MAP3K20: variants seen among roughly 807,000 people sequenced by gnomAD.
The protein encoded by MAP3K20 is HCCS-4.
In MAP3K20, 40 loss-of-function variants were observed where a neutral mutation model predicts 85.7. That is an observed-to-expected ratio of 0.47 (90% CI 0.36 to 0.61). The LOEUF (loss-of-function observed/expected upper bound fraction) is 0.61. MAP3K20 is among the 20% of genes least tolerant of loss of function. The pLI is 0.00. For missense variants in MAP3K20, 817 were observed against 961.7 expected, an observed-to-expected ratio of 0.85 and a Z score of 1.99; for synonymous variants, 325 against 327.7, an observed-to-expected ratio of 0.99 and a Z score of 0.09.
chr2:173,222,537 G>A (rs1684280752), intron 11 of MAP3K20: 2 of 985,634 alleles, frequency 2.0e-6, no homozygotes, highest in Non-Finnish European at 1.2e-6. Flanking sequence ...GCTTCCAGGG[G>A]GGTGAGTTCA....
intron 2 of MAP3K20, among the ~76,000 whole-genome samples, chr2:173,135,229 C>A (rs1228508009): frequency 2.0e-5 from 3 of 152,110 alleles, no homozygotes; most frequent in Non-Finnish European, 4.4e-5. Context: ...GCATTTAATT[C>A]TTGTAGAGTT....
At chr2:173,136,168 G>GAA (rs955466873) in intron 2 of MAP3K20, among the ~76,000 whole-genome samples, 2 of 152,224 alleles carry the variant, frequency 1.3e-5, no homozygotes, top group African/African-American at 4.8e-5. Flanking sequence ...CACTTTTAGG[G>GAA]AAAAAGGATA....
At chr2:173,143,885 G>T (rs529427230) in intron 2 of MAP3K20, among the ~76,000 whole-genome samples, 1 of 151,562 alleles carries the variant, frequency 6.6e-6, no homozygotes, top group Non-Finnish European at 1.5e-5. Flanking sequence ...TAAAGACAAT[G>T]TAAAAAAAAA....
intron 11 of MAP3K20, chr2:173,225,564 A>G (rs764283966): frequency 8.3e-6 from 8 of 969,156 alleles, no homozygotes; most frequent in Non-Finnish European, 9.7e-6. Context: ...ACTACACTCC[A>G]GCCTGGATGA....
intron 2 of MAP3K20, among the ~76,000 whole-genome samples, chr2:173,107,261 G>A (rs1687808460): frequency 6.6e-6 from 1 of 152,220 alleles, no homozygotes; most frequent in African/African-American, 2.4e-5. Context: ...CCAAGAGACA[G>A]AACAGCAGCT....
At chr2:173,182,800 T>C in intron 3 of MAP3K20, 54 bp from the exon 4 acceptor site, 1 of 1,246,578 alleles carries the variant, frequency 8.0e-7, no homozygotes, top group Non-Finnish European at 1.1e-6. Flanking sequence ...TAAAGTCTTA[T>C]TTCTGAAATG....
intron 2 of MAP3K20, among the ~76,000 whole-genome samples, chr2:173,168,134 TTTA>T (rs1440372713): frequency 6.6e-6 from 1 of 151,310 alleles, no homozygotes; most frequent in Non-Finnish European, 1.5e-5. Flanking sequence ...TTTATTATTA[TTTA>T]TTATTATAGT....
chr2:173,101,754 C>G (rs1687644963), intron 2 of MAP3K20, among the ~76,000 whole-genome samples: 1 of 152,152 alleles, frequency 6.6e-6, no homozygotes, highest in African/African-American at 2.4e-5. Context: ...ATAGAATTAT[C>G]TCACTTGAAT....
At chr2:173,082,785 C>A (rs2034647) in intron 1 of MAP3K20, among the ~76,000 whole-genome samples, 56,381 of 152,146 alleles carry the variant, frequency 0.37, 10,981 homozygotes, top group African/African-American at 0.46. Context: ...CACAACAAGC[C>A]CACGCAGCGG....
At chr2:173,215,992 G>A (rs1050173690) in intron 10 of MAP3K20, among the ~76,000 whole-genome samples, 5 of 152,142 alleles carry the variant, frequency 3.3e-5, no homozygotes, top group African/African-American at 1.2e-4. Context: ...GCACCCAGCA[G>A]CTATTCTGCA....
At chr2:173,224,505 A>G (rs1327341964) in intron 11 of MAP3K20, 3 of 985,216 alleles carry the variant, frequency 3.0e-6, no homozygotes, top group African/African-American at 3.5e-5. Context: ...ATTAGGTAAT[A>G]TTTTCCTCAT....
chr2:173,140,158 C>T (rs925617803), intron 2 of MAP3K20, among the ~76,000 whole-genome samples: 13 of 151,992 alleles, frequency 8.6e-5, no homozygotes, highest in East Asian at 3.9e-4. Flanking sequence ...ATTACAGGCG[C>T]GTGCCACCAT....
At position 173,091,147 on chromosome 2, in the gene MAP3K20, A is replaced by G. The variant is rs770327306; in HGVS notation, c.116A>G (p.Asp39Gly). 3 of 1,613,996 alleles carry G rather than the reference A, an allele frequency of 1.9e-6. No homozygotes were observed. Among genetic ancestry groups the G allele is most frequent in the Non-Finnish European group, 2.5e-6 (3 of 1,179,958 alleles). The change falls in exon 2 of 20, where the codon GAC becomes GGC. Residue 39 changes from aspartate to glycine, a missense_variant. Asp to Gly is a moderately conservative substitution (Grantham distance 94). This residue lies in a region of MAP3K20 where 200 missense variants were observed against 302.7 expected (regional missense o/e 0.66). Transcript: ENST00000375213. ...SVYRAKWISQ[D>G]KEVAVKKLLK... ...TATCGAGCCAAATGGATATCACAGG[A>G]CAAGGAGGTGGCTGTAAAGAAGCTC... is the stretch of plus-strand genomic sequence containing the variant.
chr2:173,260,073 A>C (rs1685252475), intron 17 of MAP3K20, among the ~76,000 whole-genome samples: 1 of 152,120 alleles, frequency 6.6e-6, no homozygotes, highest in African/African-American at 2.4e-5. Flanking sequence ...GCAACAACAA[A>C]AAACTAGCCC....
At chr2:173,099,073 T>C (rs1687548721) in intron 2 of MAP3K20, among the ~76,000 whole-genome samples, 1 of 152,194 alleles carries the variant, frequency 6.6e-6, no homozygotes. Context: ...GGGTACCTTG[T>C]CAAAAAGTGG....
chr2:173,094,709 T>C (rs994274444), intron 2 of MAP3K20, among the ~76,000 whole-genome samples: 3 of 152,196 alleles, frequency 2.0e-5, no homozygotes, highest in African/African-American at 7.2e-5. Context: ...TTATGTAGTT[T>C]TGGCAGGAAA....
Position 173,187,606 on chromosome 2 carries a change from A to C in MAP3K20, c.398A>C (p.Asp133Ala), listed in dbSNP as rs1690526355. 1 of 1,609,000 alleles carries C rather than the reference A, an allele frequency of 6.2e-7. No individual in the cohort carries two copies. The highest frequency in any genetic ancestry group is 1.1e-5 in the South Asian group (1 of 89,700). ...MEAPVKVIHR[D>A]LKSRNVVIAA... ...GCTCCTGTCAAGGTGATTCACAGAG[A>C]CCTCAAGTCAAGAAACGGTAATGTA... The change falls in exon 5 of 20, where the codon GAC becomes GCC. Residue 133 changes from aspartate (D) to alanine (A), a missense_variant. Asp to Ala is a moderately radical substitution (Grantham distance 126, BLOSUM62 -2). Around this residue, in one of 4 missense-constraint regions of MAP3K20, gnomAD observed 200 missense variants for 302.7 expected, o/e 0.66. Transcript: ENST00000375213.
At chr2:173,263,252 T>C (rs1038362656) in intron 18 of MAP3K20, among the ~76,000 whole-genome samples, 1 of 152,202 alleles carries the variant, frequency 6.6e-6, no homozygotes, top group Non-Finnish European at 1.5e-5. Flanking sequence ...TGCAGGTAAT[T>C]CACCCCACCA....
chr2:173,184,743 T>C (rs1052856572), intron 4 of MAP3K20, among the ~76,000 whole-genome samples: 2 of 152,042 alleles, frequency 1.3e-5, no homozygotes, highest in African/African-American at 4.8e-5. Context: ...ACCCTGTCTC[T>C]ACTAAAAATA....
Sources: allele counts gnomAD v4.1 joint callset (sites outside exome capture counted in the v4.1 genomes callset), GRCh38; gene constraint gnomAD v4.1.1; regional missense constraint gnomAD v4.1.1; transcripts MANE v1.5; gene names NCBI Gene and HGNC (gene_info 2026-07-23, HGNC 2026-07-21).